The following MACROD1 variants were observed in gnomAD, a reference collection of about 807,000 sequenced individuals.
MACROD1 encodes the protein ADP-ribose glycohydrolase MACROD1.
MACROD1 carries 31 observed loss-of-function variants against 41.4 expected under a neutral mutation model. The ratio of observed to expected loss-of-function variants is 0.75; its 90% CI spans 0.56 to 1.01. MACROD1 has a LOEUF of 1.01. MACROD1 is among the 50% of genes least tolerant of loss of function. The pLI is 0.00. For missense variants in MACROD1, 473 were observed against 460.0 expected (o/e 1.03, Z -0.26); for synonymous variants, 252 against 203.4 (o/e 1.24, Z -2.03).
At chr11:64,133,910 G>C (rs1945298750) in intron 3 of MACROD1, among the ~76,000 whole-genome samples, 1 of 152,244 alleles carries the variant, frequency 6.6e-6, no homozygotes, top group Admixed American at 6.5e-5. Context: ...GGAGGGGAGG[G>C]TTTCTCAGCT....
intron 3 of MACROD1, among the ~76,000 whole-genome samples, chr11:64,091,521 A>T (rs937579838): frequency 2.0e-5 from 3 of 151,980 alleles, no homozygotes; most frequent in Non-Finnish European, 4.4e-5. Context: ...GGTGGGTTAC[A>T]ACAGTAGCTG....
At chr11:64,075,652 C>A (rs1489048487) in intron 3 of MACROD1, among the ~76,000 whole-genome samples, 2 of 152,210 alleles carry the variant, frequency 1.3e-5, no homozygotes, top group African/African-American at 2.4e-5. Context: ...GAAGGGGGAC[C>A]CCGAATCTGG....
intron 3 of MACROD1, among the ~76,000 whole-genome samples, chr11:64,044,150 C>T (rs1170685713): frequency 1.3e-5 from 2 of 152,088 alleles, no homozygotes; most frequent in Non-Finnish European, 2.9e-5. Flanking sequence ...TGCTCGTAAC[C>T]CCCTCAGCCT....
At chr11:64,042,691 C>T (rs1454918033) in intron 3 of MACROD1, among the ~76,000 whole-genome samples, 2 of 152,198 alleles carry the variant, frequency 1.3e-5, no homozygotes, top group Admixed American at 1.3e-4. Context: ...CAACACTCCC[C>T]TGATCCCCCA....
intron 1 of MACROD1, among the ~76,000 whole-genome samples, chr11:64,157,679 T>C (rs1314784182): frequency 2.6e-5 from 4 of 151,976 alleles, no homozygotes; most frequent in African/African-American, 7.3e-5. Context: ...AACCATAAAG[T>C]GCAGCGGGCG....
chr11:64,054,309 C>G (rs773000725), intron 3 of MACROD1, among the ~76,000 whole-genome samples: 6 of 152,188 alleles, frequency 3.9e-5, no homozygotes, highest in Admixed American at 6.5e-5. Flanking sequence ...GAAGAACTGC[C>G]TGACAACGGG....
chr11:64,163,469 G>C (rs1037537238), intron 1 of MACROD1, among the ~76,000 whole-genome samples: 5 of 152,196 alleles, frequency 3.3e-5, no homozygotes, highest in Non-Finnish European at 7.3e-5. Flanking sequence ...TCACAAAGAA[G>C]GCACTGCAGC....
chr11:64,126,285 T>C (rs1053981972), intron 3 of MACROD1, among the ~76,000 whole-genome samples: 1 of 151,898 alleles, frequency 6.6e-6, no homozygotes, highest in African/African-American at 2.4e-5. Flanking sequence ...CCAAGAGCCA[T>C]GGGGAGGAAG....
intron 4 of MACROD1, among the ~76,000 whole-genome samples, chr11:64,012,628 T>C (rs1268441504): frequency 1.3e-5 from 2 of 152,158 alleles, no homozygotes; most frequent in Non-Finnish European, 2.9e-5. Context: ...CTTGAACTCC[T>C]GACCTCGTGA....
intron 4 of MACROD1, among the ~76,000 whole-genome samples, chr11:64,002,248 G>A (rs1412423117): frequency 6.6e-6 from 1 of 152,200 alleles, no homozygotes; most frequent in Non-Finnish European, 1.5e-5. Flanking sequence ...AAGTCTCTGG[G>A]GGCTCACCGC....
At position 64,096,484 on chromosome 11, in the gene MACROD1, C is replaced by T. The variant is rs1040531232; in HGVS notation, c.517+54755G>A. Among the ~76,000 whole-genome samples, 4 of 151,676 alleles carry T rather than the reference C, an allele frequency of 2.6e-5. No individual in the cohort carries two copies. The highest frequency in any genetic ancestry group is 2.1e-4 in the South Asian group (1 of 4,796). The stretch of plus-strand genomic sequence containing the variant: ...ATGATGAAGTGCAGTGGTATGATCT[C>T]GGCTCACTGCAACCTCCGCCTTCCG... On this transcript the variant is annotated intron_variant, in intron 3 of 10. Coordinates refer to ENST00000255681, the MANE Select transcript of MACROD1 (RefSeq NM_014067.4). This position sits in a 1 kb window ranked among gnomAD's most constrained non-coding sequence, Gnocchi z 4.6.
At chr11:64,000,077 C>T (rs2134317329) in intron 5 of MACROD1, 150 bp downstream of exon 5, 3 of 658,722 alleles carry the variant, frequency 4.6e-6, no homozygotes, top group African/African-American at 1.8e-5. Context: ...CTGGGGTGTG[C>T]GGGGTGGGGG....
intron 3 of MACROD1, among the ~76,000 whole-genome samples, chr11:64,051,539 A>G (rs768849034): frequency 9.9e-5 from 15 of 152,144 alleles, no homozygotes; most frequent in Admixed American, 6.5e-5. Flanking sequence ...TCGGCCGGGC[A>G]GGCTAACAGC....
In MACROD1 at chr11:64,152,367, G is replaced by A; in HGVS notation, c.325C>T (p.Gln109Ter). 4 of 1,614,220 alleles carry A rather than the reference G, an allele frequency of 2.5e-6. No homozygotes were observed. Among genetic ancestry groups the A allele is most frequent in the Non-Finnish European group, 3.4e-6 (4 of 1,180,028 alleles). ...KSFLKGLSDK[Q>*]REEHYFCKDF... ...TTGCAGAAGTAATGTTCCTCCCGCT[G>A]CTTGTCACTCAGGCCCTTCAGAAAG... The change falls in exon 2 of 11, where the codon CAG becomes TAG. Residue 109 changes from glutamine (Q) to a stop codon, truncating the protein, a stop_gained. Coordinates refer to ENST00000255681, the MANE Select transcript of MACROD1 (RefSeq NM_014067.4). LOFTEE classifies it high-confidence loss of function.
chr11:64,099,289 A>C (rs1228561963), intron 3 of MACROD1, among the ~76,000 whole-genome samples: 2 of 152,248 alleles, frequency 1.3e-5, no homozygotes, highest in East Asian at 3.8e-4. Flanking sequence ...TGCGTCTCAC[A>C]TTGTAGCCCT....
intron 3 of MACROD1, chr11:64,117,137 G>C (rs202201413): frequency 6.2e-7 from 1 of 1,613,284 alleles, no homozygotes; most frequent in East Asian, 2.2e-5. Flanking sequence ...ACAACACGCT[G>C]GCCAAGATGC....
chr11:64,069,579 G>A (rs1944068178), intron 3 of MACROD1, among the ~76,000 whole-genome samples: 1 of 152,194 alleles, frequency 6.6e-6, no homozygotes, highest in African/African-American at 2.4e-5. Flanking sequence ...GCCCCTAGCT[G>A]TGGGGCCAGG....
At chr11:64,014,879 A>G (rs2134340795) in intron 4 of MACROD1, among the ~76,000 whole-genome samples, 1 of 152,354 alleles carries the variant, frequency 6.6e-6, no homozygotes, top group East Asian at 1.9e-4. Context: ...CCCGAGGTCC[A>G]AGGGCAGGGT....
rs560578143 is a variant in MACROD1 at position 64,072,042 on chromosome 11, GCACTAAATCCTCCCGGCAGACAA to G, written c.518-56784_518-56762del. Among the ~76,000 whole-genome samples the G allele has an allele frequency of 1.9e-3, 291 of 152,348 alleles. 3 individuals are homozygous for G. Among genetic ancestry groups the G allele is most frequent in the East Asian group, 0.019 (99 of 5,184 alleles). On this transcript the variant is annotated intron_variant, in intron 3 of 10. Transcript: ENST00000255681. ...ACAAACGCACTATTGACCGCCGCGCGCACTAAATCCTCCCGGCAGACAAGATGATGTGAGCCCGAATCGAATCG... is the reference window on the plus strand; with the variant it reads ...ACAAACGCACTATTGACCGCCGCGCGGATGATGTGAGCCCGAATCGAATCG...
Sources: allele counts gnomAD v4.1 joint callset (sites outside exome capture counted in the v4.1 genomes callset), GRCh38; gene constraint gnomAD v4.1.1; non-coding constraint Gnocchi (gnomAD v3.1); transcripts MANE v1.5; gene names NCBI Gene and HGNC (gene_info 2026-07-23, HGNC 2026-07-21).